Variants in ANAPC5 observed in about 807,000 individuals in gnomAD.
The protein encoded by ANAPC5 is anaphase-promoting complex subunit 5.
ANAPC5 carries 60 observed loss-of-function variants against 91.3 expected under a neutral mutation model. That is an observed-to-expected ratio of 0.66 (90% CI 0.53 to 0.81). ANAPC5 has a LOEUF of 0.81. ANAPC5 is among the 40% of genes least tolerant of loss of function. The pLI, the probability that ANAPC5 is intolerant of heterozygous loss-of-function variation, is 0.00. For synonymous variants in ANAPC5, 340 were observed against 364.1 expected, an observed-to-expected ratio of 0.93 and a Z score of 0.75; for missense variants, 690 against 931.5, an observed-to-expected ratio of 0.74 and a Z score of 3.37.
chr12:121,352,091 TAA>T, intron 1 of ANAPC5, 41 bp downstream of exon 1: 1 of 1,559,598 alleles, frequency 6.4e-7, no homozygotes, highest in East Asian at 2.3e-5. Context: ...AGATGCTCAG[TAA>T]AAGTTTGCTG....
At chr12:121,311,043 A>C (rs1176102381) in intron 15 of ANAPC5, among the ~76,000 whole-genome samples, 2 of 151,912 alleles carry the variant, frequency 1.3e-5, no homozygotes, top group South Asian at 2.1e-4. Context: ...TTTTTTTTAA[A>C]GTATCCACTG....
chr12:121,339,870 T>TG (rs1903377115), intron 5 of ANAPC5, among the ~76,000 whole-genome samples: 1 of 129,078 alleles, frequency 7.7e-6, no homozygotes, highest in Non-Finnish European at 1.5e-5. Flanking sequence ...TTCTTCCAGT[T>TG]TTTTTTTTTT....
chr12:121,346,161 G>A, intron 3 of ANAPC5, 130 bp from the exon 4 acceptor site: 2 of 721,964 alleles, frequency 2.8e-6, no homozygotes, highest in Non-Finnish European at 4.5e-6. Context: ...GACACTTGCA[G>A]TTGCCATTCC....
In ANAPC5 at chr12:121,335,591, G is replaced by A. The variant is rs572403072; in HGVS notation, c.892C>T (p.Arg298Trp). Reference sequence around the variant, plus strand: ...TTCAGAGCGGCGTATCTCAAGCTCCGGCCATAGCCCTCTTCCCCATTACTT... The same window carrying A: ...TTCAGAGCGGCGTATCTCAAGCTCCAGCCATAGCCCTCTTCCCCATTACTT... ...SKSNGEEGYG[R>W]SLRYAALNLA... is the part of the protein sequence containing the mutation. The change falls in exon 7 of 17, where the codon CGG (arginine) becomes TGG (tryptophan). Residue 298 changes from arginine (R) to tryptophan (W), a missense_variant. Arg to Trp is a moderately radical substitution (Grantham distance 101, BLOSUM62 -3). Coordinates refer to ENST00000261819, the MANE Select transcript of ANAPC5 (RefSeq NM_016237.5). The A allele has an allele frequency of 8.7e-6, 14 of 1,613,664 alleles. No individual in the cohort carries two copies. Among genetic ancestry groups the A allele is most frequent in the East Asian group, 6.7e-5 (3 of 44,894 alleles).
At chr12:121,347,205 C>T (rs1903702490) in intron 2 of ANAPC5, 200 bp from the exon 3 acceptor site, 1 of 509,110 alleles carries the variant, frequency 2.0e-6, no homozygotes, top group African/African-American at 2.0e-5. Flanking sequence ...TTTTCTTGAT[C>T]ATAAAATTTG....
At chr12:121,350,241 A>G (rs887908346) in intron 1 of ANAPC5, among the ~76,000 whole-genome samples, 24 of 152,326 alleles carry the variant, frequency 1.6e-4, no homozygotes, top group African/African-American at 5.1e-4. Context: ...ACTAAGGAAT[A>G]TAAATGCAAC....
chr12:121,315,749 T>C (rs1174090990), intron 15 of ANAPC5, among the ~76,000 whole-genome samples: 2 of 152,140 alleles, frequency 1.3e-5, no homozygotes, highest in Non-Finnish European at 2.9e-5. Context: ...TATATCCGTA[T>C]GCAGAAGAAT....
chr12:121,338,451 T>A (rs1903326244), intron 5 of ANAPC5, among the ~76,000 whole-genome samples: 1 of 151,882 alleles, frequency 6.6e-6, no homozygotes. Flanking sequence ...TAGCCGGGTG[T>A]GGTGGCGCAC....
chr12:121,352,549 G>T (rs529957195), upstream of ANAPC5: 2 of 534,608 alleles, frequency 3.7e-6, no homozygotes, highest in Non-Finnish European at 6.6e-6. Context: ...AAGAGTGCGG[G>T]GAGGGGTGCA....
In ANAPC5 at chr12:121,327,246, G is replaced by A; in HGVS notation, c.1305-15C>T. The A allele has an allele frequency of 6.2e-7, 1 of 1,610,538 alleles. No individual in the cohort carries two copies. Among genetic ancestry groups the A allele is most frequent in the Non-Finnish European group, 8.5e-7 (1 of 1,179,586 alleles). On this transcript the variant is annotated splice_polypyrimidine_tract_variant and intron_variant, in intron 10 of 16. Transcript: ENST00000261819. ...GTGCCATGGTGCTGGGTGGGGAGAG[G>A]GAACAGGATTTCCTTTCAGCAGCAG... is the stretch of plus-strand genomic sequence containing the variant.
At position 121,326,706 on chromosome 12, in the gene ANAPC5, A is replaced by T. The variant is rs535971860; in HGVS notation, c.1440+390T>A. On this transcript the variant is annotated intron_variant, in intron 11 of 16. Transcript: ENST00000261819. ...GTGGATTCTATGAGACAGTACCCAT[A>T]AAATAGGCACAGGGACTGGCACAGA... 138 of 161,528 alleles carry T rather than the reference A, an allele frequency of 8.5e-4. No individual in the cohort carries two copies. The South Asian group carries it at 0.012, about 14-fold the overall frequency. The allele number at this position is 161,528 out of a possible 1,614,324, so 10.0% of individuals were successfully genotyped here.
In ANAPC5 at chr12:121,319,727, G is replaced by A. The variant is rs1006322408; in HGVS notation, c.1607C>T (p.Thr536Ile). The A allele has an allele frequency of 6.2e-7, 1 of 1,612,326 alleles. No homozygotes were observed. Among genetic ancestry groups the A allele is most frequent in the Non-Finnish European group, 8.5e-7 (1 of 1,179,456 alleles). The change falls in exon 13 of 17, where the codon ACA (threonine) becomes ATA (isoleucine). Residue 536 changes from threonine (T) to isoleucine (I), a missense_variant. By Grantham distance (89) the Thr-to-Ile change is moderately conservative (BLOSUM62 -1). Coordinates refer to ENST00000261819, the MANE Select transcript of ANAPC5 (RefSeq NM_016237.5). The stretch of plus-strand genomic sequence containing the variant: ...AACACCCTCTATGCTATTGAGAGCT[G>A]TGATTCCTGTAACAAGTGAATCAGC... Reference protein sequence around the residue: ...HLADSLVTGITALNSIEGVYR... With the variant: ...HLADSLVTGIIALNSIEGVYR...
chr12:121,321,467 A>G (rs2136770810), intron 11 of ANAPC5, among the ~76,000 whole-genome samples: 1 of 144,148 alleles, frequency 6.9e-6, no homozygotes, highest in South Asian at 2.2e-4. Flanking sequence ...CAATCCTCTC[A>G]TCTCAGCCTC....
chr12:121,345,320 A>G (rs1181353047), intron 4 of ANAPC5, among the ~76,000 whole-genome samples: 1 of 152,234 alleles, frequency 6.6e-6, no homozygotes, highest in East Asian at 1.9e-4. Flanking sequence ...GAACAATACC[A>G]GTCAGGGACC....
At chr12:121,335,328 G>A (rs1383730537) in intron 7 of ANAPC5, among the ~76,000 whole-genome samples, 2 of 152,006 alleles carry the variant, frequency 1.3e-5, no homozygotes, top group Non-Finnish European at 2.9e-5. Context: ...ACCACACCTG[G>A]CTAATTTTTG....
chr12:121,342,472 A>G lies in ANAPC5; in HGVS notation c.591-403T>C, dbSNP rs192071688. On this transcript the variant is annotated intron_variant, in intron 4 of 16. Transcript: ENST00000261819. This position sits in a 1 kb window ranked among gnomAD's most constrained non-coding sequence, Gnocchi z 4.1. ...CAAAGACCTCAATGTGAGGCCAAAA[A>G]CCGTAAAACTCTTAGAAGATCTTCC... Among the ~76,000 whole-genome samples, 515 of 152,304 alleles carry G rather than the reference A, an allele frequency of 3.4e-3. 1 individual carries two copies. The highest frequency in any genetic ancestry group is 5.5e-3 in the Non-Finnish European group (374 of 68,026).
At position 121,313,347 on chromosome 12, in the gene ANAPC5, G is replaced by A. The variant is rs559612124; in HGVS notation, c.1894-3484C>T. On this transcript the variant is annotated intron_variant, in intron 15 of 16. Transcript: ENST00000261819. Reference sequence around the variant, plus strand: ...ATCTCAAAAAAAAAGAAAGAAACTAGAAAACGAAAAGCAAACTAGACCTAA... The same window carrying A: ...ATCTCAAAAAAAAAGAAAGAAACTAAAAAACGAAAAGCAAACTAGACCTAA... Among the ~76,000 whole-genome samples, 163 of 151,986 alleles carry A rather than the reference G, an allele frequency of 1.1e-3. 1 individual carries two copies. The highest frequency in any genetic ancestry group is 3.7e-3 in the African/African-American group (153 of 41,490).
chr12:121,318,649 C>T, intron 13 of ANAPC5, 41 bp from the exon 14 acceptor site: 1 of 1,491,254 alleles, frequency 6.7e-7, no homozygotes, highest in South Asian at 1.1e-5. Flanking sequence ...TTTAACTAGT[C>T]ACTTTGAGGG....
Position 121,318,724 on chromosome 12 carries a change from A to G in ANAPC5, c.1638-116T>C. On this transcript the variant is annotated intron_variant, in intron 13 of 16. Coordinates refer to ENST00000261819, the MANE Select transcript of ANAPC5 (RefSeq NM_016237.5). ...AAGGGAAAAAACTGTGCCTGATTTAATTTTTGTTGAAAGAGGCTGAGCGCG... is the reference window on the plus strand; with the variant it reads ...AAGGGAAAAAACTGTGCCTGATTTAGTTTTTGTTGAAAGAGGCTGAGCGCG... The G allele has an allele frequency of 6.1e-6, 6 of 977,328 alleles. 1 individual carries two copies. Among genetic ancestry groups the G allele is most frequent in the Admixed American group, 4.5e-5 (2 of 44,122 alleles). 60.5% of individuals were successfully genotyped at this position (977,328 alleles called of 1,614,324 possible). A position where few individuals can be genotyped will look rare whatever the true frequency, so the allele number is the denominator to read the frequency against.
Sources: allele counts gnomAD v4.1 joint callset (sites outside exome capture counted in the v4.1 genomes callset), GRCh38; gene constraint gnomAD v4.1.1; non-coding constraint Gnocchi (gnomAD v3.1); transcripts MANE v1.5; gene names NCBI Gene and HGNC (gene_info 2026-07-23, HGNC 2026-07-21).